ATP10B: variants seen among roughly 807,000 people sequenced by gnomAD.
ATP10B encodes the protein ATPase phospholipid transporting 10B (putative).
Under a neutral mutation model 141.2 loss-of-function variants are expected in ATP10B, and 122 were observed. That is an observed-to-expected ratio of 0.86 (90% confidence interval 0.75 to 1.00). ATP10B has a LOEUF of 1.00. Ranked by LOEUF, ATP10B falls within the 50% of genes least tolerant of loss-of-function variation. The pLI, the probability that ATP10B is intolerant of heterozygous loss-of-function variation, is 0.00. For missense variants in ATP10B, 1,876 were observed against 1,825.3 expected (o/e 1.03, Z -0.51); for synonymous variants, 685 against 692.0 (o/e 0.99, Z 0.16).
At chr5:160,845,872 C>T (rs1776087830) in intron 1 of ATP10B, among the ~76,000 whole-genome samples, 1 of 152,062 alleles carries the variant, frequency 6.6e-6, no homozygotes, top group South Asian at 2.1e-4. Flanking sequence ...TAAAAAAATA[C>T]ATGTACTAAC....
intron 22 of ATP10B, among the ~76,000 whole-genome samples, chr5:160,597,166 A>C (rs1311075311): frequency 1.3e-5 from 2 of 152,258 alleles, no homozygotes; most frequent in Non-Finnish European, 2.9e-5. Flanking sequence ...TACAGTAACC[A>C]AAACAGCATG....
the ATP10B span, among the ~76,000 whole-genome samples, chr5:160,911,860 C>A: frequency 6.6e-6 from 1 of 152,140 alleles, no homozygotes; most frequent in African/African-American, 2.4e-5. Context: ...GCAACAGCAA[C>A]CTGCTTGTTA....
chr5:160,603,848 A>C, intron 20 of ATP10B, 117 bp downstream of exon 20: 1 of 784,670 alleles, frequency 1.3e-6, no homozygotes, highest in Non-Finnish European at 2.2e-6. Context: ...TATGGAGGGC[A>C]TTGCAACTTT....
chr5:160,750,999 C>T (rs1768115220), intron 2 of ATP10B, among the ~76,000 whole-genome samples: 1 of 152,246 alleles, frequency 6.6e-6, no homozygotes, highest in Non-Finnish European at 1.5e-5. Context: ...TCCCTCCAAA[C>T]ACCAGTGTCA....
At chr5:160,926,690 G>A in the ATP10B span, among the ~76,000 whole-genome samples, 1 of 152,240 alleles carries the variant, frequency 6.6e-6, no homozygotes, top group South Asian at 2.1e-4. Context: ...TGCCAAGGAG[G>A]AAGCATCACT....
chr5:160,649,800 G>C (rs1018439327), intron 7 of ATP10B, among the ~76,000 whole-genome samples: 3 of 152,074 alleles, frequency 2.0e-5, no homozygotes, highest in African/African-American at 7.3e-5. Flanking sequence ...GCTTGCGCAT[G>C]TAATATTTCC....
At chr5:160,823,007 TATATATATATATATATATATA>T (rs1774271701) in intron 1 of ATP10B, among the ~76,000 whole-genome samples, 2 of 107,522 alleles carry the variant, frequency 1.9e-5, no homozygotes, top group Admixed American at 1.9e-4. Flanking sequence ...TATACATATA[TATATATATATATATATATATA>T]TATATATAAA....
intron 16 of ATP10B, 91 bp from the exon 17 acceptor site, chr5:160,616,055 C>A (rs868278385): frequency 4.2e-6 from 6 of 1,413,654 alleles, no homozygotes; most frequent in South Asian, 3.1e-5. Context: ...TCCTATTGGC[C>A]TGTTTGAACT....
intron 2 of ATP10B, among the ~76,000 whole-genome samples, chr5:160,744,640 T>C (rs1767685406): frequency 6.6e-6 from 1 of 152,224 alleles, no homozygotes; most frequent in South Asian, 2.1e-4. Flanking sequence ...ACACTTGGGA[T>C]ATTCTCAGTT....
At chr5:160,783,384 T>A (rs1410675463) in intron 2 of ATP10B, among the ~76,000 whole-genome samples, 4 of 139,862 alleles carry the variant, frequency 2.9e-5, no homozygotes, top group Non-Finnish European at 3.1e-5. Flanking sequence ...TTTCATCATA[T>A]ATATATATAT....
chr5:160,571,221 T>C (rs1290445016), intron 24 of ATP10B, among the ~76,000 whole-genome samples: 2 of 152,132 alleles, frequency 1.3e-5, no homozygotes, highest in Non-Finnish European at 2.9e-5. Flanking sequence ...AAAATATCAT[T>C]CTATTTTCTT....
rs957346794 is a variant in ATP10B, at chr5:160,563,472, C to T, written c.*1981G>A. 1.3e-5 allele frequency: 2 copies of T among 152,190 alleles called. No individual in the cohort carries two copies. The highest frequency in any genetic ancestry group is 2.4e-5 in the African/African-American group (1 of 41,452). The allele number at this position is 152,190 out of a possible 1,614,324, so 9.4% of individuals were successfully genotyped here. On this transcript the variant is annotated 3_prime_UTR_variant, in exon 26 of 26. Coordinates refer to ENST00000327245, the MANE Select transcript of ATP10B (RefSeq NM_025153.3). The stretch of plus-strand genomic sequence containing the variant: ...TTTGGAACTTAGGAACAGGATCAGA[C>T]ATTATTTTTTAACTTCTCCACCTAT...
At chr5:160,837,000 C>T (rs10078103) in intron 1 of ATP10B, among the ~76,000 whole-genome samples, 19,946 of 151,948 alleles carry the variant, frequency 0.13, 1,396 homozygotes, top group African/African-American at 0.16. Flanking sequence ...TTTTGTATTA[C>T]GACAACCCTT....
At chr5:160,829,601 A>G (rs1178594562) in intron 1 of ATP10B, among the ~76,000 whole-genome samples, 2 of 152,104 alleles carry the variant, frequency 1.3e-5, no homozygotes, top group African/African-American at 4.8e-5. Flanking sequence ...ATGAGTACGT[A>G]ACATTTTTCA....
At chr5:160,662,475 C>T (rs1269925457) in intron 7 of ATP10B, among the ~76,000 whole-genome samples, 2 of 152,062 alleles carry the variant, frequency 1.3e-5, no homozygotes, top group Non-Finnish European at 2.9e-5. Context: ...AGAACAGAGC[C>T]CTCAGAAATA....
chr5:160,610,542 G>C (rs1757663949), intron 18 of ATP10B, among the ~76,000 whole-genome samples: 1 of 152,088 alleles, frequency 6.6e-6, no homozygotes, highest in South Asian at 2.1e-4. Context: ...CAGCTCCTAA[G>C]GTTTGGAGTA....
At chr5:160,857,712 A>C in the ATP10B span, among the ~76,000 whole-genome samples, 2 of 151,474 alleles carry the variant, frequency 1.3e-5, no homozygotes, top group Non-Finnish European at 3.0e-5. Context: ...TTGTATTTTA[A>C]ATTTTTGTTC....
At chr5:160,743,445 C>T (rs2963195) in intron 2 of ATP10B, among the ~76,000 whole-genome samples, 147,991 of 152,322 alleles carry the variant, frequency 0.97, 71,991 homozygotes, top group East Asian at 1. Context: ...GGACATTTAT[C>T]TTTCTTCCAG....
chr5:160,719,136 C>T (rs1334420646), intron 2 of ATP10B, among the ~76,000 whole-genome samples: 3 of 152,158 alleles, frequency 2.0e-5, no homozygotes, highest in Non-Finnish European at 4.4e-5. Flanking sequence ...CACGGTGGCT[C>T]ACGCCTGTAA....
Sources: allele counts gnomAD v4.1 joint callset (sites outside exome capture counted in the v4.1 genomes callset), GRCh38; gene constraint gnomAD v4.1.1; transcripts MANE v1.5; gene names NCBI Gene and HGNC (gene_info 2026-07-23, HGNC 2026-07-21).